Variants in SRGAP1 observed in about 807,000 individuals in gnomAD.
SRGAP1 encodes the protein SLIT-ROBO Rho GTPase-activating protein 1.
In SRGAP1, 43 loss-of-function variants were observed where a neutral mutation model predicts 121.9. The ratio of observed to expected loss-of-function variants is 0.35; its 90% confidence interval spans 0.28 to 0.46. SRGAP1 has a LOEUF of 0.46. Ranked by LOEUF, SRGAP1 falls within the 20% of genes least tolerant of loss-of-function variation. SRGAP1 has a pLI of 1.00. For synonymous variants in SRGAP1, 447 were observed against 485.4 expected (o/e 0.92, Z 1.04); for missense variants, 1,102 against 1,350.9 (o/e 0.82, Z 2.89).
chr12:64,124,442 G>C (rs2036655802), intron 18 of SRGAP1, among the ~76,000 whole-genome samples: 1 of 152,198 alleles, frequency 6.6e-6, no homozygotes, highest in Admixed American at 6.5e-5. Context: ...GGAAATGAAT[G>C]CATGCCCAGT....
chr12:63,894,838 A>G (rs1345902704), intron 1 of SRGAP1, among the ~76,000 whole-genome samples: 2 of 152,182 alleles, frequency 1.3e-5, no homozygotes, highest in East Asian at 1.9e-4. Context: ...TCCGTGGTGT[A>G]TATGTGCCAC....
At chr12:63,845,008 C>G in intron 1 of SRGAP1, 125 bp downstream of exon 1, 1 of 910,030 alleles carries the variant, frequency 1.1e-6, no homozygotes, top group Non-Finnish European at 1.8e-6. Context: ...CGAGCCCTGT[C>G]TGAGCCACCT....
Position 63,871,988 on chromosome 12 carries a change from T to C in SRGAP1, c.67+27105T>C. 3.2e-6 allele frequency: 3 copies of C among 947,926 alleles called. No homozygotes were observed. The East Asian group carries it at 7.2e-5, about 23-fold the overall frequency. The allele number at this position is 947,926 out of a possible 1,614,324, so 58.7% of individuals were successfully genotyped here. ...ATGAATCCTTGCCCTTCTTATACTG[T>C]GTCACTTCGTCAGGTGATGCTTACA... On this transcript the variant is annotated intron_variant, in intron 1 of 21. Coordinates refer to ENST00000355086, the MANE Select transcript of SRGAP1 (RefSeq NM_020762.4).
intron 1 of SRGAP1, among the ~76,000 whole-genome samples, chr12:63,907,102 C>A (rs1427550329): frequency 6.6e-6 from 1 of 152,146 alleles, no homozygotes; most frequent in Non-Finnish European, 1.5e-5. Context: ...TTTTATCTAT[C>A]CTAGTGAATG....
intron 1 of SRGAP1, among the ~76,000 whole-genome samples, chr12:63,975,317 T>C (rs1414014417): frequency 2.0e-5 from 3 of 152,156 alleles, no homozygotes; most frequent in African/African-American, 7.2e-5. Context: ...ATTAAGCCTG[T>C]CAAGTCCTCA....
chr12:64,123,757 T>C (rs1326272076), intron 18 of SRGAP1, among the ~76,000 whole-genome samples: 1 of 151,890 alleles, frequency 6.6e-6, no homozygotes, highest in Non-Finnish European at 1.5e-5. Context: ...GTGATCCTCC[T>C]GCCTTGGCCT....
chr12:63,934,225 C>G (rs903078858), intron 1 of SRGAP1, among the ~76,000 whole-genome samples: 1 of 152,168 alleles, frequency 6.6e-6, no homozygotes, highest in African/African-American at 2.4e-5. Context: ...GAGAGCCCAT[C>G]CATTGTGTTG....
intron 1 of SRGAP1, among the ~76,000 whole-genome samples, chr12:63,890,259 T>C (rs563410325): frequency 6.6e-6 from 1 of 152,348 alleles, no homozygotes; most frequent in African/African-American, 2.4e-5. Context: ...GCCACGCTTA[T>C]ACTTTAGAAA....
chr12:63,995,140 G>C (rs1442309554), intron 3 of SRGAP1, among the ~76,000 whole-genome samples: 1 of 152,166 alleles, frequency 6.6e-6, no homozygotes, highest in Non-Finnish European at 1.5e-5. Flanking sequence ...AAATTACCTT[G>C]AAGTCTGTCA....
At chr12:64,020,843 CAA>C (rs34144761) in intron 4 of SRGAP1, among the ~76,000 whole-genome samples, 3 of 70,046 alleles carry the variant, frequency 4.3e-5, no homozygotes, top group African/African-American at 5.4e-5. Context: ...GACTCCGTCT[CAA>C]AAAAAAAAAA....
At position 64,159,168 on chromosome 12, in the gene SRGAP1, T is replaced by TA. The variant is rs1224274633; in HGVS notation, c.*16502dup. On this transcript the variant is annotated 3_prime_UTR_variant, in exon 22 of 22. Coordinates refer to ENST00000355086, the MANE Select transcript of SRGAP1 (RefSeq NM_020762.4). ...ACCCCATCCCTACAAAACAGTTTTT[T>TA]AAAAAACTAGCTGTAGGGCAGGCAC... 6.6e-6 allele frequency: 1 copy of TA among 152,112 alleles called. No individual in the cohort carries two copies. The highest frequency in any genetic ancestry group is 1.5e-5 in the Non-Finnish European group (1 of 68,220). 9.4% of individuals were successfully genotyped at this position (152,112 alleles called of 1,614,324 possible).
At chr12:64,006,599 C>T (rs1368163263) in intron 3 of SRGAP1, among the ~76,000 whole-genome samples, 1 of 152,110 alleles carries the variant, frequency 6.6e-6, no homozygotes, top group Non-Finnish European at 1.5e-5. Context: ...CATTTGAAAG[C>T]ATTGGAATGG....
intron 14 of SRGAP1, among the ~76,000 whole-genome samples, chr12:64,095,626 G>T (rs867543125): frequency 6.6e-6 from 1 of 152,196 alleles, no homozygotes; most frequent in Admixed American, 6.5e-5. Flanking sequence ...TGACCCTAGG[G>T]GGTGCCTTAT....
chr12:64,140,102 T>C (rs1377284436), intron 21 of SRGAP1, among the ~76,000 whole-genome samples: 1 of 147,492 alleles, frequency 6.8e-6, no homozygotes, highest in Non-Finnish European at 1.5e-5. Context: ...TTGATCTATA[T>C]CTCTGTTTTG....
Position 63,948,909 on chromosome 12 carries a change from T to A in SRGAP1, c.68-35038T>A, listed in dbSNP as rs1182015821. Among the ~76,000 whole-genome samples the A allele has an allele frequency of 1.6e-4, 10 of 60,878 alleles. 1 individual carries two copies. The highest frequency in any genetic ancestry group is 5.3e-4 in the African/African-American group (9 of 17,046). The allele number at this position is 60,878 out of a possible 152,430, so 39.9% of individuals were successfully genotyped here. ...ATATATATATATTCCATATATATAT[T>A]TTCCATATATATATATTCCATATAT... On this transcript the variant is annotated intron_variant, in intron 1 of 21. Coordinates refer to ENST00000355086, the MANE Select transcript of SRGAP1 (RefSeq NM_020762.4).
rs2034713662 is a variant in SRGAP1, at chr12:64,028,963, A to AT, written c.489+11957dup. On this transcript the variant is annotated intron_variant, in intron 4 of 21. Transcript: ENST00000355086. Reference sequence around the variant, plus strand: ...CATGTATTCATTTACTCATTTATTCATTTTTTATATTCATTTTTCCAACCT... The same window carrying AT: ...CATGTATTCATTTACTCATTTATTCATTTTTTTATATTCATTTTTCCAACCT... Among the ~76,000 whole-genome samples, 6 of 152,278 alleles carry AT rather than the reference A, an allele frequency of 3.9e-5. No homozygotes were observed. In the South Asian group the frequency reaches 1.2e-3, roughly 32 times the overall value.
At chr12:63,961,342 C>CTA (rs1422792916) in intron 1 of SRGAP1, among the ~76,000 whole-genome samples, 5 of 152,196 alleles carry the variant, frequency 3.3e-5, no homozygotes, top group Non-Finnish European at 5.9e-5. Context: ...TATTGGCTAG[C>CTA]ATCTCCTCAC....
At chr12:63,904,388 T>C (rs1167863929) in intron 1 of SRGAP1, among the ~76,000 whole-genome samples, 1 of 152,192 alleles carries the variant, frequency 6.6e-6, no homozygotes, top group Non-Finnish European at 1.5e-5. Context: ...CTTCCTGTTC[T>C]ATTGATTGGA....
intron 4 of SRGAP1, chr12:64,032,443 A>G: frequency 4.2e-6 from 3 of 714,750 alleles, no homozygotes; most frequent in South Asian, 3.1e-5. Flanking sequence ...AGAGATCCTG[A>G]GTTTGCCCCA....
Sources: gnomAD v4.1 joint callset for allele counts (sites outside exome capture counted in the v4.1 genomes callset) on GRCh38, gnomAD v4.1.1 for gene constraint, MANE v1.5 for transcripts, NCBI Gene and HGNC (gene_info 2026-07-23, HGNC 2026-07-21) for gene names.